Variants in PTPRT observed in about 807,000 individuals in gnomAD.
PTPRT encodes receptor-type tyrosine-protein phosphatase T.
In PTPRT, 56 loss-of-function variants were observed where a neutral mutation model predicts 176.8. That is an observed-to-expected ratio of 0.32 (90% CI 0.26 to 0.40). The LOEUF (loss-of-function observed/expected upper bound fraction) is 0.40, where lower values mean the gene tolerates loss of function less well. PTPRT is among the 10% of genes least tolerant of loss of function. The probability of loss-of-function intolerance (pLI) is 1.00; values close to 1 mark genes in which losing one functional copy is unlikely to be tolerated. For synonymous variants in PTPRT, 783 were observed against 739.0 expected (o/e 1.06, Z -0.96); for missense variants, 1,540 against 1,908.2 (o/e 0.81, Z 3.60).
chr20:42,277,215 TAG>T (rs1184564680), intron 13 of PTPRT, among the ~76,000 whole-genome samples: 1 of 152,156 alleles, frequency 6.6e-6, no homozygotes, highest in Non-Finnish European at 1.5e-5. Flanking sequence ...ATGGGATCGT[TAG>T]AGAGTGTTTA....
intron 26 of PTPRT, among the ~76,000 whole-genome samples, chr20:42,099,547 G>C (rs1330468398): frequency 2.8e-4 from 10 of 35,366 alleles, no homozygotes; most frequent in South Asian, 2.3e-3. Flanking sequence ...TGGCCTGGGC[G>C]GGGGGGGGGG....
chr20:42,490,734 T>C (rs984544885), intron 7 of PTPRT, among the ~76,000 whole-genome samples: 1 of 152,126 alleles, frequency 6.6e-6, no homozygotes, highest in South Asian at 2.1e-4. Context: ...TTATGTTAAA[T>C]AGCAATGGTG....
intron 12 of PTPRT, among the ~76,000 whole-genome samples, chr20:42,305,618 T>C (rs2057535373): frequency 6.6e-6 from 1 of 151,890 alleles, no homozygotes; most frequent in Non-Finnish European, 1.5e-5. Context: ...CACGTGTGTG[T>C]GTGCGTGTAT....
rs1486976861 is a variant in PTPRT at position 42,208,790 on chromosome 20, G to A, written c.2343-9402C>T. Among the ~76,000 whole-genome samples the A allele has an allele frequency of 1.1e-4, 17 of 152,222 alleles. No homozygotes were observed. The East Asian group carries it at 3.1e-3, about 28-fold the overall frequency. On this transcript the variant is annotated intron_variant, in intron 15 of 30. Transcript: ENST00000373187. ...AATTGAACTCAGCTCTGCACCGAGT[G>A]GACCTAATAGACATCTACAGAACTC...
intron 7 of PTPRT, among the ~76,000 whole-genome samples, chr20:42,580,237 G>C (rs1402774677): frequency 4.6e-5 from 7 of 152,162 alleles, no homozygotes; most frequent in Admixed American, 3.3e-4. Flanking sequence ...TATTGCTGAG[G>C]TCTCTGTTCT....
intron 1 of PTPRT, among the ~76,000 whole-genome samples, chr20:42,922,095 C>T (rs977793086): frequency 1.3e-5 from 2 of 152,130 alleles, no homozygotes; most frequent in African/African-American, 4.8e-5. Context: ...ACCACCACAC[C>T]TAGCTAATTT....
At chr20:42,389,963 C>T (rs749801546) in intron 9 of PTPRT, among the ~76,000 whole-genome samples, 6 of 151,968 alleles carry the variant, frequency 3.9e-5, no homozygotes, top group East Asian at 1.9e-4. Context: ...AGCAAGAAGG[C>T]GCTAAACTGT....
At chr20:43,181,254 G>A (rs1014550563) in intron 1 of PTPRT, among the ~76,000 whole-genome samples, 7 of 152,192 alleles carry the variant, frequency 4.6e-5, no homozygotes, top group East Asian at 1.9e-4. Context: ...TGAGCCACAC[G>A]ACCCAGCTAT....
At chr20:42,049,467 A>C in the PTPRT span, among the ~76,000 whole-genome samples, 2 of 152,168 alleles carry the variant, frequency 1.3e-5, no homozygotes, top group African/African-American at 2.4e-5. Context: ...TGCTAGGCTG[A>C]AGGCAAGTTT....
intron 1 of PTPRT, among the ~76,000 whole-genome samples, chr20:42,950,749 C>G (rs1981188506): frequency 6.6e-6 from 1 of 152,330 alleles, no homozygotes; most frequent in Admixed American, 6.5e-5. Flanking sequence ...ATTAATATGT[C>G]TGCAATCTCT....
rs756600217 is a variant in PTPRT, at chr20:42,104,590, G to A, written c.3519C>T (p.Ser1173=). The change falls in exon 25 of 31, where the codon AGC becomes AGT. Residue 1173 remains serine (S), a synonymous_variant. Coordinates refer to ENST00000373187, the MANE Select transcript of PTPRT (RefSeq NM_007050.6). ...ISRLDPQTNS[S]QIKDEFQTLN... ...ATACCTGAAATTCATCTTTGATTTG[G>A]CTGGAGTTTGTCTGGGGGTCCAGCC... 1 of 1,613,038 alleles carries A rather than the reference G, an allele frequency of 6.2e-7. No individual in the cohort carries two copies. Among genetic ancestry groups the A allele is most frequent in the Admixed American group, 1.7e-5 (1 of 59,988 alleles).
chr20:43,064,620 C>T (rs777472497), intron 1 of PTPRT, among the ~76,000 whole-genome samples: 8 of 152,216 alleles, frequency 5.3e-5, no homozygotes, highest in Non-Finnish European at 1.0e-4. Flanking sequence ...TTGTGAACTG[C>T]CTGTGGGTGT....
At chr20:43,148,591 C>T (rs1331310988) in intron 1 of PTPRT, among the ~76,000 whole-genome samples, 2 of 152,212 alleles carry the variant, frequency 1.3e-5, no homozygotes, top group Non-Finnish European at 2.9e-5. Flanking sequence ...TTATGCTCCA[C>T]ATAATTCCTG....
chr20:42,649,208 T>G (rs912272783), intron 7 of PTPRT, among the ~76,000 whole-genome samples: 6 of 152,132 alleles, frequency 3.9e-5, no homozygotes, highest in Non-Finnish European at 7.4e-5. Flanking sequence ...AGTTACATCT[T>G]ACATGGATGG....
At chr20:43,090,239 T>A (rs1341356689) in intron 1 of PTPRT, among the ~76,000 whole-genome samples, 1 of 151,966 alleles carries the variant, frequency 6.6e-6, no homozygotes, top group Admixed American at 6.6e-5. Context: ...CTGAAGGAGA[T>A]TTTATACACA....
At chr20:42,596,737 T>C (rs2073677843) in intron 7 of PTPRT, among the ~76,000 whole-genome samples, 1 of 152,150 alleles carries the variant, frequency 6.6e-6, no homozygotes. Flanking sequence ...ATATGAGAAA[T>C]GTGCAACCTT....
At chr20:42,693,683 C>T (rs2075825398) in intron 6 of PTPRT, among the ~76,000 whole-genome samples, 1 of 152,098 alleles carries the variant, frequency 6.6e-6, no homozygotes, top group Non-Finnish European at 1.5e-5. Flanking sequence ...CAACATTGTG[C>T]CCTACTTTAT....
At chr20:42,567,988 G>C (rs1483882659) in intron 7 of PTPRT, among the ~76,000 whole-genome samples, 2 of 148,964 alleles carry the variant, frequency 1.3e-5, no homozygotes, top group African/African-American at 5.0e-5. Context: ...TTTTTTTTTG[G>C]AGACGGAGTC....
intron 1 of PTPRT, among the ~76,000 whole-genome samples, chr20:43,035,972 T>A (rs1199649821): frequency 6.6e-6 from 1 of 152,154 alleles, no homozygotes; most frequent in Non-Finnish European, 1.5e-5. Flanking sequence ...ATACCATCCC[T>A]GGACCAGCAA....
Sources: allele counts gnomAD v4.1 joint callset (sites outside exome capture counted in the v4.1 genomes callset), GRCh38; gene constraint gnomAD v4.1.1; transcripts MANE v1.5; gene names NCBI Gene and HGNC (gene_info 2026-07-23, HGNC 2026-07-21).